Variants in RARB observed in about 807,000 individuals in gnomAD.
RARB encodes the protein retinoic acid receptor beta.
A neutral mutation model predicts 51.9 loss-of-function variants in RARB; 17 were observed. That is an observed-to-expected ratio of 0.33 (90% CI 0.22 to 0.49). RARB has a LOEUF of 0.49. RARB is among the 20% of genes least tolerant of loss of function. RARB has a pLI of 0.99. For synonymous variants in RARB, 215 were observed against 195.4 expected (o/e 1.10, Z -0.84); for missense variants, 369 against 550.8 (o/e 0.67, Z 3.30).
At chr3:25,159,428 C>T (rs1553638612) in intron 4 of RARB, among the ~76,000 whole-genome samples, 1 of 151,834 alleles carries the variant, frequency 6.6e-6, no homozygotes, top group African/African-American at 2.4e-5. Context: ...CCCGCTCCCC[C>T]TCAGCCTCCC....
intron 2 of RARB, among the ~76,000 whole-genome samples, chr3:24,960,126 C>T (rs1175479392): frequency 6.6e-6 from 1 of 152,122 alleles, no homozygotes; most frequent in East Asian, 1.9e-4. Context: ...ATGTTCTTTC[C>T]CTTTCAGGTT....
chr3:25,005,091 C>CCATA (rs1413399481), intron 2 of RARB, among the ~76,000 whole-genome samples: 1 of 152,090 alleles, frequency 6.6e-6, no homozygotes, highest in African/African-American at 2.4e-5. Flanking sequence ...TGGTTAGATA[C>CCATA]CATACATACA....
intron 2 of RARB, among the ~76,000 whole-genome samples, chr3:25,491,147 G>A (rs1415574318): frequency 6.6e-6 from 1 of 152,058 alleles, no homozygotes; most frequent in East Asian, 1.9e-4. Context: ...AGACACCTAG[G>A]GGATTTATAA....
intron 2 of RARB, among the ~76,000 whole-genome samples, chr3:24,982,008 A>AG (rs1374697754): frequency 6.6e-6 from 1 of 152,200 alleles, no homozygotes; most frequent in African/African-American, 2.4e-5. Flanking sequence ...AACCTGGGGA[A>AG]TCTTGGCTCT....
chr3:25,496,992 C>A (rs551944753), intron 2 of RARB, among the ~76,000 whole-genome samples: 5 of 152,322 alleles, frequency 3.3e-5, no homozygotes, highest in African/African-American at 9.6e-5. Flanking sequence ...TCAAGCGATT[C>A]TCCTGCCTCA....
At position 25,264,123 on chromosome 3, in the gene RARB, A is replaced by T. The variant is rs559463963; in HGVS notation, c.178+89548A>T. On this transcript the variant is annotated intron_variant, in intron 5 of 11. Transcript: ENST00000383772. Reference sequence around the variant, plus strand: ...TGGGGCATTGTTGATTTTTTTTTTTAAAAAAAGGTTGATTCTGTTTTATCA... The same window carrying T: ...TGGGGCATTGTTGATTTTTTTTTTTTAAAAAAGGTTGATTCTGTTTTATCA... Among the ~76,000 whole-genome samples the T allele has an allele frequency of 4.8e-3, 578 of 120,298 alleles. 3 individuals are homozygous for T. The highest frequency in any genetic ancestry group is 0.014 in the African/African-American group (501 of 36,090). The allele number at this position is 120,298 out of a possible 152,430, so 78.9% of individuals were successfully genotyped here. A position where few individuals can be genotyped will look rare whatever the true frequency, so the allele number is the denominator to read the frequency against.
chr3:25,368,666 C>A (rs950003425), intron 5 of RARB, among the ~76,000 whole-genome samples: 3 of 152,146 alleles, frequency 2.0e-5, no homozygotes, highest in Non-Finnish European at 2.9e-5. Context: ...ACAGTTCTAG[C>A]CTTGATAGAT....
chr3:25,060,436 G>A (rs1473944149), intron 3 of RARB, among the ~76,000 whole-genome samples: 2 of 151,794 alleles, frequency 1.3e-5, no homozygotes, highest in African/African-American at 4.8e-5. Context: ...ATAGAGCAGA[G>A]GGTTGCAAAC....
At chr3:25,065,724 A>G (rs1278465785) in intron 3 of RARB, among the ~76,000 whole-genome samples, 3 of 152,186 alleles carry the variant, frequency 2.0e-5, no homozygotes, top group Non-Finnish European at 4.4e-5. Context: ...TCTGGCATGC[A>G]AATGCTCTAC....
intron 5 of RARB, among the ~76,000 whole-genome samples, chr3:25,354,313 TGAG>T (rs780067006): frequency 1.3e-5 from 2 of 152,214 alleles, no homozygotes; most frequent in East Asian, 3.9e-4. Context: ...GGAAAATCCT[TGAG>T]GAGACTGTGG....
chr3:25,010,032 C>T (rs1211642687), intron 2 of RARB, among the ~76,000 whole-genome samples: 1 of 152,086 alleles, frequency 6.6e-6, no homozygotes, highest in Non-Finnish European at 1.5e-5. Context: ...TGGGTCATGA[C>T]CCTTTGACTG....
intron 2 of RARB, among the ~76,000 whole-genome samples, chr3:24,959,624 T>G (rs1181635803): frequency 6.6e-6 from 1 of 152,232 alleles, no homozygotes; most frequent in Non-Finnish European, 1.5e-5. Flanking sequence ...GTGTGGCCTT[T>G]GCCAGGGACA....
intron 5 of RARB, among the ~76,000 whole-genome samples, chr3:25,358,738 A>G (rs1040688410): frequency 3.3e-5 from 5 of 152,270 alleles, no homozygotes; most frequent in South Asian, 2.1e-4. Context: ...TGAGATAATT[A>G]TGTGGTTTTC....
intron 2 of RARB, among the ~76,000 whole-genome samples, chr3:24,861,540 T>A (rs1014850558): frequency 6.6e-6 from 1 of 151,376 alleles, no homozygotes; most frequent in African/African-American, 2.4e-5. Context: ...AGAGAATGAT[T>A]TACTGATTTA....
At chr3:25,214,354 A>G (rs185355069) in intron 5 of RARB, among the ~76,000 whole-genome samples, 43 of 152,342 alleles carry the variant, frequency 2.8e-4, no homozygotes, top group African/African-American at 9.9e-4. Context: ...GCCTGTGATA[A>G]CTAGGAGCAC....
In RARB at chr3:25,052,798, A is replaced by G. The variant is rs13061772; in HGVS notation, c.-379-7327A>G. Among the ~76,000 whole-genome samples, 513 of 152,256 alleles carry G rather than the reference A, an allele frequency of 3.4e-3. 3 individuals are homozygous for G. Among genetic ancestry groups the G allele is most frequent in the Non-Finnish European group, 4.9e-3 (331 of 68,010 alleles). On this transcript the variant is annotated intron_variant, in intron 2 of 11. Coordinates refer to the RARB transcript ENST00000383772. ...GGTAGTTTTGTGTTCTCCATCTAGA[A>G]ATACGTATGTGACTTCTTGGGTATG...
chr3:25,540,477 T>C (rs1474875182), intron 3 of RARB, among the ~76,000 whole-genome samples: 7 of 152,220 alleles, frequency 4.6e-5, no homozygotes, highest in Admixed American at 1.3e-4. Flanking sequence ...ATAGACACTT[T>C]GTTATTTTTA....
intron 1 of RARB, among the ~76,000 whole-genome samples, chr3:24,840,742 T>TAAAAAA (rs55771334): frequency 8.1e-4 from 57 of 70,216 alleles, no homozygotes; most frequent in Middle Eastern, 9.8e-3. Flanking sequence ...TGAGTAAGAG[T>TAAAAAA]AAAAAAAAAA....
intron 5 of RARB, among the ~76,000 whole-genome samples, chr3:25,234,647 T>G (rs1442018520): frequency 8.6e-6 from 1 of 115,640 alleles, no homozygotes; most frequent in Non-Finnish European, 2.1e-5. Flanking sequence ...TCCCTGGGAC[T>G]TTTTTTTCAT....
Sources: allele counts gnomAD v4.1 joint callset (sites outside exome capture counted in the v4.1 genomes callset), GRCh38; gene constraint gnomAD v4.1.1; transcripts MANE v1.5; gene names NCBI Gene and HGNC (gene_info 2026-07-23, HGNC 2026-07-21).